Variants in SRGAP1 observed in about 807,000 individuals in gnomAD.
The protein encoded by SRGAP1 is SLIT-ROBO Rho GTPase-activating protein 1.
SRGAP1 carries 43 observed loss-of-function variants against 121.9 expected under a neutral mutation model. The observed-to-expected ratio is 0.35, with a 90% confidence interval of 0.28 to 0.46. The LOEUF (loss-of-function observed/expected upper bound fraction) is 0.46. Among genes scored for constraint, SRGAP1 ranks in the 20% least tolerant of loss-of-function variants. The probability of loss-of-function intolerance (pLI) is 1.00; values close to 1 mark genes in which losing one functional copy is unlikely to be tolerated. For missense variants in SRGAP1, 1,102 were observed against 1,350.9 expected (o/e 0.82, Z 2.89); for synonymous variants, 447 against 485.4 (o/e 0.92, Z 1.04).
chr12:63,911,936 C>T (rs946492642), intron 1 of SRGAP1, among the ~76,000 whole-genome samples: 1 of 152,162 alleles, frequency 6.6e-6, no homozygotes, highest in Non-Finnish European at 1.5e-5. Context: ...CTATAATTAG[C>T]TCTATTTTCT....
intron 6 of SRGAP1, among the ~76,000 whole-genome samples, chr12:64,055,903 C>A (rs1485939086): frequency 6.6e-6 from 1 of 152,078 alleles, no homozygotes; most frequent in Admixed American, 6.6e-5. Context: ...AGATTTTTAC[C>A]ACCAGCGTTG....
At chr12:64,051,418 C>T (rs1416609250) in intron 6 of SRGAP1, among the ~76,000 whole-genome samples, 2 of 152,166 alleles carry the variant, frequency 1.3e-5, no homozygotes, top group African/African-American at 2.4e-5. Context: ...ATTTGGAACT[C>T]AGCAACATCT....
chr12:64,047,366 C>G (rs1175849816), intron 6 of SRGAP1, among the ~76,000 whole-genome samples: 2 of 152,064 alleles, frequency 1.3e-5, no homozygotes, highest in African/African-American at 4.8e-5. Context: ...TTGACCCTTC[C>G]TGGTGAAAAA....
At chr12:64,000,720 G>T (rs1429046998) in intron 3 of SRGAP1, among the ~76,000 whole-genome samples, 2 of 152,216 alleles carry the variant, frequency 1.3e-5, no homozygotes, top group Non-Finnish European at 2.9e-5. Flanking sequence ...TGCCAAGGGG[G>T]CAGGTAATGG....
rs1363962221 is a variant in SRGAP1, at chr12:64,146,897, A to G, written c.*4225A>G. On this transcript the variant is annotated 3_prime_UTR_variant, in exon 22 of 22. Coordinates refer to ENST00000355086, the MANE Select transcript of SRGAP1 (RefSeq NM_020762.4). ...TAGTATACGTTCTTAAAAAAAAAAA[A>G]AAGTCTATGTGGTATAATCGAGATG... The G allele has an allele frequency of 1.3e-5, 2 of 151,794 alleles. No individual in the cohort carries two copies. Among genetic ancestry groups the G allele is most frequent in the Non-Finnish European group, 2.9e-5 (2 of 67,922 alleles). The allele number at this position is 151,794 out of a possible 1,614,324, so 9.4% of individuals were successfully genotyped here.
chr12:64,137,961 A>ATATATATATATATAT (rs1555177364), intron 21 of SRGAP1, among the ~76,000 whole-genome samples: 34 of 139,670 alleles, frequency 2.4e-4, no homozygotes, highest in African/African-American at 9.0e-4. Context: ...TTAAAAAAAA[A>ATATATATATATATAT]ATATATATAT....
At position 63,990,018 on chromosome 12, in the gene SRGAP1, T is replaced by C. The variant is rs2033510723; in HGVS notation, c.372T>C (p.Asn124=). The part of the protein sequence containing the change: ...HATLSDIYLN[N]VIMRFMQISE... ...CCTTGAGTGACATCTATCTGAACAA[T>C]GTGATTATGCGGTTCATGCAGATAA... Residue 124 remains asparagine, a synonymous_variant, in exon 3 of 22, where the codon AAT becomes AAC. Transcript: ENST00000355086. 6.2e-7 allele frequency: 1 copy of C among 1,613,828 alleles called. No homozygotes were observed. Among genetic ancestry groups the C allele is most frequent in the East Asian group, 2.2e-5 (1 of 44,874 alleles).
intron 6 of SRGAP1, 137 bp downstream of exon 6, chr12:64,043,712 T>C: frequency 6.3e-6 from 4 of 633,008 alleles, no homozygotes; most frequent in Non-Finnish European, 7.5e-6. Context: ...TACTTTTATT[T>C]AAATTATCCG....
chr12:63,969,330 G>T (rs1396204239), intron 1 of SRGAP1, among the ~76,000 whole-genome samples: 3 of 151,636 alleles, frequency 2.0e-5, no homozygotes, highest in Non-Finnish European at 4.4e-5. Context: ...CATTTCTAAG[G>T]TCTTAAAGCG....
intron 1 of SRGAP1, among the ~76,000 whole-genome samples, chr12:63,900,701 C>G: frequency 6.6e-6 from 1 of 151,996 alleles, no homozygotes; most frequent in Non-Finnish European, 1.5e-5. Context: ...GTAGTCCCAG[C>G]TACTTGGGAG....
intron 2 of SRGAP1, among the ~76,000 whole-genome samples, chr12:63,984,553 C>A (rs1299829485): frequency 6.6e-6 from 1 of 151,980 alleles, no homozygotes. Context: ...AATTTTGTGC[C>A]CCCCTTCCTG....
At chr12:63,879,020 T>G (rs1900111617) in intron 1 of SRGAP1, 1 of 152,172 alleles carries the variant, frequency 6.6e-6, no homozygotes. Context: ...TTTTTTTCTT[T>G]TTTTTGAGAC....
intron 1 of SRGAP1, among the ~76,000 whole-genome samples, chr12:63,961,385 C>A (rs1451848984): frequency 6.6e-6 from 1 of 152,180 alleles, no homozygotes. Flanking sequence ...CCCTTCTTTC[C>A]TCACCCCCAG....
intron 17 of SRGAP1, among the ~76,000 whole-genome samples, chr12:64,114,331 CTTTTTTTTTTTTTTTTTT>C (rs957049187): frequency 1.1e-5 from 1 of 89,252 alleles, no homozygotes; most frequent in Non-Finnish European, 2.2e-5. Flanking sequence ...ATATGGTTAG[CTTTTTTTTTTTTTTTTTT>C]TTTTTTTTGG....
rs1439123798 is a variant in SRGAP1, at chr12:63,913,480, T to TATATATATATATATGG, written c.67+68608_67+68609insTATGGATATATATATA. On this transcript the variant is annotated intron_variant, in intron 1 of 21. Transcript: ENST00000355086. ...ATATATATATATATATATATATGGA[T>TATATATATATATATGG]ATATATATATAAATACACATATATG... Among the ~76,000 whole-genome samples, 525 of 108,494 alleles carry TATATATATATATATGG rather than the reference T, an allele frequency of 4.8e-3. 6 individuals carry two copies. Among genetic ancestry groups the TATATATATATATATGG allele is most frequent in the Middle Eastern group, 0.011 (2 of 190 alleles). 71.2% of individuals were successfully genotyped at this position (108,494 alleles called of 152,430 possible). A position where few individuals can be genotyped will look rare whatever the true frequency, so the allele number is the denominator to read the frequency against.
At chr12:64,139,433 A>G (rs2036921518) in intron 21 of SRGAP1, among the ~76,000 whole-genome samples, 1 of 152,238 alleles carries the variant, frequency 6.6e-6, no homozygotes, top group Admixed American at 6.5e-5. Flanking sequence ...TGCAGTATCT[A>G]AATTTAAACT....
chr12:64,078,783 G>T, intron 8 of SRGAP1, 136 bp from the exon 9 acceptor site: 1 of 796,532 alleles, frequency 1.3e-6, no homozygotes, highest in Non-Finnish European at 2.0e-6. Flanking sequence ...TTTTACCTTT[G>T]TTTCTCTCCT....
At chr12:63,986,576 C>A (rs1487519905) in intron 2 of SRGAP1, among the ~76,000 whole-genome samples, 1 of 152,156 alleles carries the variant, frequency 6.6e-6, no homozygotes, top group East Asian at 1.9e-4. Flanking sequence ...GTGCCCACCA[C>A]CACGCCTGGC....
Position 64,091,338 on chromosome 12 carries a change from ATAC to A in SRGAP1, c.1502_1504del (p.Thr501del). On this transcript the variant is annotated inframe_deletion, in exon 12 of 22. Transcript: ENST00000355086. ...AAGTCCAGGCCCCGCTCACAGTATA[ATAC>A]TAAGTTGTTTAATGGGGATTTGGAA... is the stretch of plus-strand genomic sequence containing the variant. 6.2e-7 allele frequency: 1 copy of A among 1,611,574 alleles called. No individual in the cohort carries two copies. The highest frequency in any genetic ancestry group is 8.5e-7 in the Non-Finnish European group (1 of 1,178,448).
Sources: gnomAD v4.1 joint callset for allele counts (sites outside exome capture counted in the v4.1 genomes callset) on GRCh38, gnomAD v4.1.1 for gene constraint, MANE v1.5 for transcripts, NCBI Gene and HGNC (gene_info 2026-07-23, HGNC 2026-07-21) for gene names.